Variants in BCKDHB observed in about 807,000 individuals in gnomAD.
The protein encoded by BCKDHB is branched chain keto acid dehydrogenase E1 subunit beta, also known as 2-oxoisovalerate dehydrogenase subunit beta, mitochondrial.
Under a neutral mutation model 48.5 loss-of-function variants are expected in BCKDHB, and 41 were observed. The observed-to-expected ratio is 0.85, with a 90% CI of 0.66 to 1.10. The LOEUF is 1.10. Among genes scored for constraint, BCKDHB ranks in the 50% least tolerant of loss-of-function variants. The pLI, the probability that BCKDHB is intolerant of heterozygous loss-of-function variation, is 0.00. For synonymous variants in BCKDHB, 201 were observed against 174.8 expected (o/e 1.15, Z -1.18); for missense variants, 496 against 494.2 (o/e 1.00, Z -0.03).
chr6:80,410,442 A>T, the BCKDHB span, among the ~76,000 whole-genome samples: 1 of 152,122 alleles, frequency 6.6e-6, no homozygotes, highest in African/African-American at 2.4e-5. Context: ...TGCTCTTCTC[A>T]AGGAGTATCT....
At chr6:80,407,546 G>T in the BCKDHB span, among the ~76,000 whole-genome samples, 1 of 152,170 alleles carries the variant, frequency 6.6e-6, no homozygotes. Context: ...GCAGTGGTTT[G>T]TAGTTCTTGA....
At chr6:80,238,218 C>T (rs973813900) in intron 8 of BCKDHB, among the ~76,000 whole-genome samples, 3 of 152,222 alleles carry the variant, frequency 2.0e-5, no homozygotes, top group Non-Finnish European at 2.9e-5. Flanking sequence ...CTGCCTCAGC[C>T]TCCTGAGTAG....
Position 80,171,384 on chromosome 6 carries a change from G to A in BCKDHB, c.736G>A (p.Ala246Thr). The change falls in exon 6 of 10, where the codon GCA becomes ACA. Residue 246 changes from alanine to threonine, a missense_variant. Transcript: ENST00000320393. ...IFFEPKILYR[A>T]AAEEVPIEPY... ...TTTTGAACCTAAAATACTTTACAGG[G>A]CAGCAGGTAAAGATTTTCTTTATTT... 1 of 1,578,266 alleles carries A rather than the reference G, an allele frequency of 6.3e-7. No homozygotes were observed.
intron 8 of BCKDHB, among the ~76,000 whole-genome samples, chr6:80,222,571 A>T (rs1353057565): frequency 6.6e-6 from 1 of 152,002 alleles, no homozygotes; most frequent in Non-Finnish European, 1.5e-5. Flanking sequence ...TTTTTTCTTC[A>T]TGGAGCTGTT....
At chr6:80,385,158 T>C in the BCKDHB span, among the ~76,000 whole-genome samples, 1 of 152,068 alleles carries the variant, frequency 6.6e-6, no homozygotes, top group African/African-American at 2.4e-5. Context: ...ATGGACGAAG[T>C]GATGAAAGAA....
At chr6:80,333,389 G>T (rs777231809) in intron 9 of BCKDHB, among the ~76,000 whole-genome samples, 1 of 152,178 alleles carries the variant, frequency 6.6e-6, no homozygotes, top group Non-Finnish European at 1.5e-5. Context: ...AATAATATCT[G>T]TGTGGTTACT....
At chr6:80,204,557 G>C (rs1204186394) in intron 8 of BCKDHB, among the ~76,000 whole-genome samples, 2 of 152,030 alleles carry the variant, frequency 1.3e-5, no homozygotes, top group Non-Finnish European at 2.9e-5. Flanking sequence ...TGTATTTTTA[G>C]TGTAGATGGT....
the BCKDHB span, among the ~76,000 whole-genome samples, chr6:80,391,855 G>C: frequency 1.3e-5 from 2 of 152,098 alleles, no homozygotes; most frequent in Admixed American, 1.3e-4. Context: ...ACTTGCAACT[G>C]TTCCCTTTTT....
chr6:80,185,520 G>A lies in BCKDHB; in HGVS notation c.742+14130G>A, dbSNP rs148638591. ...CTTGTTTTGCCATATTACCATAATT[G>A]CTTTTCTGGTTCCTTCTCATTTTGG... On this transcript the variant is annotated intron_variant, in intron 6 of 9. Transcript: ENST00000320393. Among the ~76,000 whole-genome samples the A allele has an allele frequency of 1.7e-3, 262 of 152,118 alleles. 1 individual carries two copies. The highest frequency in any genetic ancestry group is 6.0e-3 in the African/African-American group (248 of 41,514).
chr6:80,465,516 T>G, the BCKDHB span, among the ~76,000 whole-genome samples: 1 of 152,156 alleles, frequency 6.6e-6, no homozygotes, highest in Non-Finnish European at 1.5e-5. Context: ...ACATTTTCCT[T>G]CTCTGATTTT....
chr6:80,391,086 A>G, the BCKDHB span, among the ~76,000 whole-genome samples: 1 of 152,138 alleles, frequency 6.6e-6, no homozygotes, highest in African/African-American at 2.4e-5. Context: ...CAAGTTTGCC[A>G]ACAGCCAAGC....
intron 1 of BCKDHB, among the ~76,000 whole-genome samples, chr6:80,126,744 G>A (rs759430594): frequency 6.6e-6 from 1 of 152,078 alleles, no homozygotes; most frequent in Non-Finnish European, 1.5e-5. Flanking sequence ...AGCTTGAATC[G>A]AAGCTCTAAT....
At chr6:80,130,600 G>A (rs1770578181) in intron 3 of BCKDHB, among the ~76,000 whole-genome samples, 1 of 152,036 alleles carries the variant, frequency 6.6e-6, no homozygotes, top group South Asian at 2.1e-4. Flanking sequence ...TTAGACTCCT[G>A]CTACAAACTT....
chr6:80,305,273 T>C (rs981766849), intron 9 of BCKDHB, among the ~76,000 whole-genome samples: 1 of 151,972 alleles, frequency 6.6e-6, no homozygotes, highest in East Asian at 1.9e-4. Context: ...GAGACCTTTA[T>C]GGAAAAATTA....
chr6:80,450,561 A>T, the BCKDHB span, among the ~76,000 whole-genome samples: 1 of 152,156 alleles, frequency 6.6e-6, no homozygotes. Context: ...CAATAGATAA[A>T]CTAGAAATCT....
intron 9 of BCKDHB, among the ~76,000 whole-genome samples, chr6:80,324,704 C>T (rs1311346045): frequency 1.3e-5 from 2 of 152,118 alleles, no homozygotes; most frequent in Non-Finnish European, 1.5e-5. Context: ...CTCCCCAGCC[C>T]CTGTCTACAA....
At chr6:80,186,060 A>G (rs1299412939) in intron 6 of BCKDHB, among the ~76,000 whole-genome samples, 1 of 152,126 alleles carries the variant, frequency 6.6e-6, no homozygotes, top group Admixed American at 6.5e-5. Flanking sequence ...GTGCTTTTAA[A>G]AGAGTGCCAG....
chr6:80,327,073 A>C (rs1769067626), intron 9 of BCKDHB, among the ~76,000 whole-genome samples: 1 of 152,174 alleles, frequency 6.6e-6, no homozygotes, highest in Non-Finnish European at 1.5e-5. Context: ...AAATTGTTTA[A>C]GTTTGACATA....
At chr6:80,422,514 G>A in the BCKDHB span, among the ~76,000 whole-genome samples, 4 of 152,182 alleles carry the variant, frequency 2.6e-5, no homozygotes, top group Non-Finnish European at 5.9e-5. Context: ...TACATTGAAA[G>A]CTTGCACTGT....
Sources: allele counts gnomAD v4.1 joint callset (sites outside exome capture counted in the v4.1 genomes callset), GRCh38; gene constraint gnomAD v4.1.1; transcripts MANE v1.5; gene names NCBI Gene and HGNC (gene_info 2026-07-23, HGNC 2026-07-21).